ROR1: variants seen among roughly 807,000 people sequenced by gnomAD.
The protein encoded by ROR1 is inactive tyrosine-protein kinase transmembrane receptor ROR1.
In ROR1, 19 loss-of-function variants were observed where a neutral mutation model predicts 78.8. The ratio of observed to expected loss-of-function variants is 0.24; its 90% CI spans 0.17 to 0.35. ROR1 has a LOEUF of 0.35. ROR1 is among the 10% of genes least tolerant of loss of function. The probability of loss-of-function intolerance (pLI) is 1.00; values close to 1 mark genes in which losing one functional copy is unlikely to be tolerated. For synonymous variants in ROR1, 386 were observed against 433.6 expected (o/e 0.89, Z 1.36); for missense variants, 917 against 1,177.8 (o/e 0.78, Z 3.24).
chr1:64,098,806 C>G (rs190271088), intron 4 of ROR1, among the ~76,000 whole-genome samples: 99 of 152,292 alleles, frequency 6.5e-4, no homozygotes, highest in African/African-American at 2.4e-3. Context: ...TCCTTTTAGA[C>G]TTCAGGACTT....
intron 1 of ROR1, among the ~76,000 whole-genome samples, chr1:63,940,915 G>A (rs1569946412): frequency 6.6e-6 from 1 of 152,106 alleles, no homozygotes; most frequent in Non-Finnish European, 1.5e-5. Context: ...CACTGGGAAG[G>A]GCACAGCATC....
intron 1 of ROR1, among the ~76,000 whole-genome samples, chr1:63,862,147 C>G (rs541365690): frequency 1.3e-5 from 2 of 151,996 alleles, no homozygotes; most frequent in African/African-American, 2.4e-5. Context: ...AATCCCAGCA[C>G]TTTGGGAGAC....
At chr1:64,137,864 T>G (rs989108952) in intron 5 of ROR1, among the ~76,000 whole-genome samples, 3 of 152,254 alleles carry the variant, frequency 2.0e-5, no homozygotes, top group Admixed American at 2.0e-4. Context: ...TGATGTCGAC[T>G]GAGAGGGGAT....
At chr1:64,169,627 A>G (rs1363976438) in intron 8 of ROR1, among the ~76,000 whole-genome samples, 1 of 152,108 alleles carries the variant, frequency 6.6e-6, no homozygotes, top group Admixed American at 6.6e-5. Flanking sequence ...AAAACCAATC[A>G]TCCCCTCCCA....
At chr1:64,077,169 A>C (rs113178068) in intron 4 of ROR1, among the ~76,000 whole-genome samples, 2,087 of 152,358 alleles carry the variant, frequency 0.014, 20 homozygotes, top group Non-Finnish European at 0.021. Context: ...CTGCAAATTT[A>C]TATATGAGAC....
chr1:64,100,235 A>G (rs1300101324), intron 4 of ROR1, among the ~76,000 whole-genome samples: 2 of 152,106 alleles, frequency 1.3e-5, no homozygotes, highest in Non-Finnish European at 2.9e-5. Flanking sequence ...TAATCCCAGC[A>G]CTTTGGAAAG....
At position 63,806,520 on chromosome 1, in the gene ROR1, C is replaced by T. The variant is rs528188453; in HGVS notation, c.91+32012C>T. Among the ~76,000 whole-genome samples, 330 of 152,152 alleles carry T rather than the reference C, an allele frequency of 2.2e-3. 1 individual carries two copies. The highest frequency in any genetic ancestry group is 3.7e-3 in the East Asian group (19 of 5,162). On this transcript the variant is annotated intron_variant, in intron 1 of 8. Transcript: ENST00000371079. The stretch of plus-strand genomic sequence containing the variant: ...TTTTAGTAGAGACGGAGTTTCACTG[C>T]GTTAGCCAGGATGGTCTCGATCTCC...
intron 2 of ROR1, among the ~76,000 whole-genome samples, chr1:64,022,740 A>G (rs966661976): frequency 6.6e-6 from 1 of 152,176 alleles, no homozygotes; most frequent in South Asian, 2.1e-4. Context: ...ACTTGAATAT[A>G]TGTCTCTTTA....
intron 4 of ROR1, among the ~76,000 whole-genome samples, chr1:64,114,027 A>G (rs1006411005): frequency 6.6e-6 from 1 of 152,202 alleles, no homozygotes; most frequent in Non-Finnish European, 1.5e-5. Flanking sequence ...ATGGGAACTC[A>G]GTCCATTTTC....
At chr1:63,780,584 T>C (rs1165001435) in intron 1 of ROR1, among the ~76,000 whole-genome samples, 1 of 152,202 alleles carries the variant, frequency 6.6e-6, no homozygotes, top group Non-Finnish European at 1.5e-5. Context: ...TTCAAAACGA[T>C]GGTCCTGCTG....
intron 1 of ROR1, among the ~76,000 whole-genome samples, chr1:63,886,241 G>A (rs750329209): frequency 6.6e-5 from 10 of 152,124 alleles, no homozygotes; most frequent in South Asian, 2.1e-4. Flanking sequence ...CTCTCCCACC[G>A]CTCACCTCCT....
At chr1:63,911,518 A>G (rs527982224) in intron 1 of ROR1, among the ~76,000 whole-genome samples, 1 of 152,110 alleles carries the variant, frequency 6.6e-6, no homozygotes, top group South Asian at 2.1e-4. Flanking sequence ...AGGTTGTGTG[A>G]TCCTTATGAG....
At chr1:63,971,096 C>T (rs1039002867) in intron 1 of ROR1, among the ~76,000 whole-genome samples, 2 of 152,194 alleles carry the variant, frequency 1.3e-5, no homozygotes, top group African/African-American at 4.8e-5. Context: ...CCTCTGTGAT[C>T]ACATCCTTAT....
At position 64,111,591 on chromosome 1, in the gene ROR1, G is replaced by A. The variant is rs570266443; in HGVS notation, c.483-25778G>A. 1.3e-3 allele frequency among the ~76,000 whole-genome samples: 193 copies of A among 152,296 alleles called. 1 individual carries two copies. The highest frequency in any genetic ancestry group is 2.0e-3 in the Non-Finnish European group (139 of 68,028). Reference sequence around the variant, plus strand: ...CAAGCCAGTGATGTTTGCTGCCTTGGTACATTGTCCGTGGCTCCACAATTA... The same window carrying A: ...CAAGCCAGTGATGTTTGCTGCCTTGATACATTGTCCGTGGCTCCACAATTA... On this transcript the variant is annotated intron_variant, in intron 4 of 8. Coordinates refer to ENST00000371079, the MANE Select transcript of ROR1 (RefSeq NM_005012.4).
At chr1:63,968,709 C>A (rs533654784) in intron 1 of ROR1, among the ~76,000 whole-genome samples, 1 of 152,244 alleles carries the variant, frequency 6.6e-6, no homozygotes, top group African/African-American at 2.4e-5. Flanking sequence ...TTGAAAGGTC[C>A]TAACTATAGC....
At chr1:63,971,394 A>G (rs1361122099) in intron 1 of ROR1, among the ~76,000 whole-genome samples, 6 of 152,210 alleles carry the variant, frequency 3.9e-5, no homozygotes, top group Non-Finnish European at 5.9e-5. Context: ...AAGTGTGCTT[A>G]GTCCACTTTT....
chr1:63,933,754 TA>T (rs1363578588), intron 1 of ROR1, among the ~76,000 whole-genome samples: 1 of 152,208 alleles, frequency 6.6e-6, no homozygotes, highest in African/African-American at 2.4e-5. Flanking sequence ...TTGGGATCTG[TA>T]GGCAGAGCTG....
rs11806636 is a variant in ROR1 at position 63,887,033 on chromosome 1, T to C, written c.91+112525T>C. 7.6e-3 allele frequency among the ~76,000 whole-genome samples: 1,158 copies of C among 152,336 alleles called. 11 individuals carry two copies. The highest frequency in any genetic ancestry group is 0.026 in the African/African-American group (1,096 of 41,566). On this transcript the variant is annotated intron_variant, in intron 1 of 8. Transcript: ENST00000371079. ...TTTCCTATTTGTTCAAGGTGCAGGATTGACAGCCCAGGAGACCTTGTGTCT... is the reference window on the plus strand; with the variant it reads ...TTTCCTATTTGTTCAAGGTGCAGGACTGACAGCCCAGGAGACCTTGTGTCT...
chr1:64,106,574 A>C (rs1647820335), intron 4 of ROR1: 1 of 152,192 alleles, frequency 6.6e-6, no homozygotes, highest in Non-Finnish European at 1.5e-5. Flanking sequence ...TTGCCCATTC[A>C]ATATGATATT....
Sources: gnomAD v4.1 joint callset for allele counts (sites outside exome capture counted in the v4.1 genomes callset) on GRCh38, gnomAD v4.1.1 for gene constraint, MANE v1.5 for transcripts, NCBI Gene and HGNC (gene_info 2026-07-23, HGNC 2026-07-21) for gene names.